DIP2B: variants seen among roughly 807,000 people sequenced by gnomAD.
DIP2B encodes the protein DIP2 acetate--CoA ligase B (putative).
Under a neutral mutation model 198.0 loss-of-function variants are expected in DIP2B, and 76 were observed. That is an observed-to-expected ratio of 0.38 (90% CI 0.32 to 0.46). DIP2B has a LOEUF of 0.46. Ranked by LOEUF, DIP2B falls within the 20% of genes least tolerant of loss-of-function variation. The pLI is 0.99. For synonymous variants in DIP2B, 701 were observed against 739.1 expected (o/e 0.95, Z 0.84); for missense variants, 1,559 against 1,978.4 (o/e 0.79, Z 4.02).
intron 1 of DIP2B, among the ~76,000 whole-genome samples, chr12:50,604,112 A>G (rs1343194526): frequency 6.8e-6 from 1 of 146,354 alleles, no homozygotes; most frequent in Admixed American, 7.3e-5. Flanking sequence ...TGTGCTATAT[A>G]CAGAATAAGC....
intron 3 of DIP2B, among the ~76,000 whole-genome samples, chr12:50,645,181 GT>G (rs1938328678): frequency 1.3e-5 from 2 of 152,142 alleles, no homozygotes; most frequent in South Asian, 4.1e-4. Context: ...CTAAAAATAA[GT>G]TGGTAATGTC....
intron 1 of DIP2B, among the ~76,000 whole-genome samples, chr12:50,597,816 T>A (rs1958891594): frequency 6.6e-6 from 1 of 152,182 alleles, no homozygotes; most frequent in Non-Finnish European, 1.5e-5. Flanking sequence ...TTTGTGCACA[T>A]AAAGTATGCA....
rs188708766 is a variant in DIP2B, at chr12:50,565,947, T to A, written c.101-60029T>A. 4.8e-3 allele frequency among the ~76,000 whole-genome samples: 721 copies of A among 150,464 alleles called. 8 individuals carry two copies. Among genetic ancestry groups the A allele is most frequent in the African/African-American group, 0.017 (682 of 41,282 alleles). ...TATGTCTCGAAATTTATCCATTTCA[T>A]CTTTTTTTTTTAAACAGTGAAATTT... On this transcript the variant is annotated intron_variant, in intron 1 of 37. Coordinates refer to ENST00000301180, the MANE Select transcript of DIP2B (RefSeq NM_173602.3).
At chr12:50,529,418 A>T (rs1386464123) in intron 1 of DIP2B, among the ~76,000 whole-genome samples, 1 of 152,202 alleles carries the variant, frequency 6.6e-6, no homozygotes, top group Non-Finnish European at 1.5e-5. Flanking sequence ...TCTGGGAAGG[A>T]CTGTCCAATG....
chr12:50,697,835 C>T (rs144946823), intron 17 of DIP2B, among the ~76,000 whole-genome samples: 3 of 151,724 alleles, frequency 2.0e-5, no homozygotes, highest in South Asian at 2.1e-4. Context: ...TGGCCCAGTA[C>T]GCAATACTTG....
chr12:50,641,480 G>A (rs1484033218), intron 3 of DIP2B, among the ~76,000 whole-genome samples: 1 of 152,254 alleles, frequency 6.6e-6, no homozygotes, highest in African/African-American at 2.4e-5. Context: ...GTTGGGTCTT[G>A]TGGGTGGTAC....
intron 1 of DIP2B, among the ~76,000 whole-genome samples, chr12:50,595,293 C>A (rs982175502): frequency 5.9e-5 from 9 of 152,062 alleles, no homozygotes; most frequent in Non-Finnish European, 1.2e-4. Flanking sequence ...TAAGGTTTTT[C>A]ATTTTTTAAA....
chr12:50,505,541 T>C (rs1957960748), intron 1 of DIP2B, among the ~76,000 whole-genome samples: 1 of 152,134 alleles, frequency 6.6e-6, no homozygotes, highest in Admixed American at 6.5e-5. Context: ...GCCCTCCCGC[T>C]TCTGCCCAGG....
At chr12:50,540,104 A>G (rs1320613800) in intron 1 of DIP2B, among the ~76,000 whole-genome samples, 2 of 35,716 alleles carry the variant, frequency 5.6e-5, no homozygotes, top group African/African-American at 1.1e-4. Flanking sequence ...TATCATAGCT[A>G]TGAACATTTT....
At chr12:50,566,978 A>C (rs1958569990) in intron 1 of DIP2B, among the ~76,000 whole-genome samples, 1 of 150,672 alleles carries the variant, frequency 6.6e-6, no homozygotes, top group Non-Finnish European at 1.5e-5. Context: ...TCTCAAAAAA[A>C]AAAAAAAAAA....
intron 5 of DIP2B, among the ~76,000 whole-genome samples, chr12:50,671,928 A>C (rs140033932): frequency 2.6e-5 from 4 of 152,290 alleles, no homozygotes; most frequent in South Asian, 2.1e-4. Context: ...CTATCGATAC[A>C]CTGCAGATGC....
intron 1 of DIP2B, among the ~76,000 whole-genome samples, chr12:50,554,976 C>T (rs1485877976): frequency 6.9e-6 from 1 of 145,376 alleles, no homozygotes; most frequent in African/African-American, 2.5e-5. Context: ...ACCGTGTTGG[C>T]CAGGATGGTC....
At chr12:50,721,114 C>T (rs1002822208) in intron 25 of DIP2B, among the ~76,000 whole-genome samples, 159 bp from the exon 26 acceptor site, 2 of 152,156 alleles carry the variant, frequency 1.3e-5, no homozygotes, top group African/African-American at 2.4e-5. Context: ...CAGCCCCACA[C>T]GTCTTTGATG....
chr12:50,507,506 C>A (rs1304574524), intron 1 of DIP2B, among the ~76,000 whole-genome samples: 2 of 152,188 alleles, frequency 1.3e-5, no homozygotes, highest in Non-Finnish European at 2.9e-5. Context: ...TACAGTTACT[C>A]TGCTCTAACA....
chr12:50,529,011 T>A (rs1958191996), intron 1 of DIP2B, among the ~76,000 whole-genome samples: 1 of 152,072 alleles, frequency 6.6e-6, no homozygotes. Context: ...TTGGAGGAAA[T>A]GGGTAAGTTT....
intron 18 of DIP2B, 121 bp from the exon 19 acceptor site, chr12:50,698,945 G>T: frequency 9.1e-7 from 1 of 1,097,650 alleles, no homozygotes; most frequent in Non-Finnish European, 1.3e-6. Context: ...TTCCTGTCTG[G>T]TATTTTTACT....
At chr12:50,551,488 G>C (rs984917202) in intron 1 of DIP2B, among the ~76,000 whole-genome samples, 4 of 152,008 alleles carry the variant, frequency 2.6e-5, no homozygotes, top group Non-Finnish European at 5.9e-5. Context: ...TTGTTTCCCG[G>C]GCTGGCGTGC....
intron 8 of DIP2B, 62 bp downstream of exon 8, chr12:50,678,938 G>A (rs761788789): frequency 6.4e-7 from 1 of 1,571,948 alleles, no homozygotes; most frequent in Admixed American, 1.7e-5. Context: ...CATGGGTAGT[G>A]TTTTTATCTA....
At chr12:50,556,095 C>G (rs1178673145) in intron 1 of DIP2B, among the ~76,000 whole-genome samples, 2 of 152,118 alleles carry the variant, frequency 1.3e-5, no homozygotes, top group Non-Finnish European at 2.9e-5. Flanking sequence ...TCTCTGTCAC[C>G]CAAGCTGGAG....
Sources: allele counts gnomAD v4.1 joint callset (sites outside exome capture counted in the v4.1 genomes callset), GRCh38; gene constraint gnomAD v4.1.1; transcripts MANE v1.5; gene names NCBI Gene and HGNC (gene_info 2026-07-23, HGNC 2026-07-21).